Variants in CFAP61 observed in about 807,000 individuals in gnomAD.
CFAP61 encodes the protein cilia- and flagella-associated protein 61.
A neutral mutation model predicts 135.6 loss-of-function variants in CFAP61; 107 were observed. The observed-to-expected ratio is 0.79, with a 90% CI of 0.67 to 0.93. CFAP61 has a LOEUF of 0.93. CFAP61 is among the 40% of genes least tolerant of loss of function. CFAP61 has a pLI of 0.00. For missense variants in CFAP61, 1,507 were observed against 1,556.2 expected (o/e 0.97, Z 0.53); for synonymous variants, 575 against 578.5 (o/e 0.99, Z 0.09).
At chr20:20,137,264 C>G (rs1301972225) in intron 8 of CFAP61, among the ~76,000 whole-genome samples, 1 of 152,200 alleles carries the variant, frequency 6.6e-6, no homozygotes, top group South Asian at 2.1e-4. Flanking sequence ...TACCTACATT[C>G]TCTCAAGGCC....
rs1323601321 is a variant in CFAP61 at position 20,314,987 on chromosome 20, C to T, written c.3422+16601C>T. ...GTCTTTGCTATTGTGAATAATGCTGCAATAAACATATGTGTGCATGTGTCC... is the reference window on the plus strand; with the variant it reads ...GTCTTTGCTATTGTGAATAATGCTGTAATAAACATATGTGTGCATGTGTCC... On this transcript the variant is annotated intron_variant, in intron 25 of 26. Transcript: ENST00000245957. Among the ~76,000 whole-genome samples the T allele has an allele frequency of 3.5e-5, 4 of 115,850 alleles. 2 individuals are homozygous for T. Among genetic ancestry groups the T allele is most frequent in the African/African-American group, 1.6e-4 (4 of 24,916 alleles). The allele number at this position is 115,850 out of a possible 152,430, so 76.0% of individuals were successfully genotyped here. A position where few individuals can be genotyped will look rare whatever the true frequency, so the allele number is the denominator to read the frequency against.
Position 20,128,901 on chromosome 20 carries a change from T to C in CFAP61, c.860-13956T>C, listed in dbSNP as rs535061507. On this transcript the variant is annotated intron_variant, in intron 8 of 26. Coordinates refer to ENST00000245957, the MANE Select transcript of CFAP61 (RefSeq NM_015585.4). ...CAAAGAAAAATCTAGAAAAAAGCTCTATACTTTAACTCCATTCCCCAAGAT... is the reference window on the plus strand; with the variant it reads ...CAAAGAAAAATCTAGAAAAAAGCTCCATACTTTAACTCCATTCCCCAAGAT... Among the ~76,000 whole-genome samples the C allele has an allele frequency of 2.6e-5, 4 of 151,834 alleles. No homozygotes were observed. The East Asian group carries it at 7.7e-4, about 29-fold the overall frequency.
In CFAP61 at chr20:20,228,237, T is replaced by G; in HGVS notation, c.1933-12T>G. 1 of 1,577,166 alleles carries G rather than the reference T, an allele frequency of 6.3e-7. No individual in the cohort carries two copies. The highest frequency in any genetic ancestry group is 8.7e-7 in the Non-Finnish European group (1 of 1,153,154). ...CTTTGACTCCTTCTTTGTCTTCGTA[T>G]TTTTTTTCCAGATGAGTTATGCTTT... On this transcript the variant is annotated splice_polypyrimidine_tract_variant and intron_variant, in intron 17 of 26. Transcript: ENST00000245957.
At chr20:20,198,923 A>G (rs2056455676) in intron 16 of CFAP61, among the ~76,000 whole-genome samples, 1 of 152,224 alleles carries the variant, frequency 6.6e-6, no homozygotes, top group African/African-American at 2.4e-5. Context: ...TGTATCATTA[A>G]AAGTTTTGAT....
intron 7 of CFAP61, among the ~76,000 whole-genome samples, chr20:20,092,786 A>T (rs1427681884): frequency 3.9e-5 from 6 of 152,240 alleles, no homozygotes; most frequent in African/African-American, 1.2e-4. Context: ...AACCACACTA[A>T]GATACCACTT....
chr20:20,068,547 C>T (rs1355911666), intron 2 of CFAP61, among the ~76,000 whole-genome samples: 2 of 152,112 alleles, frequency 1.3e-5, no homozygotes, highest in South Asian at 2.1e-4. Flanking sequence ...TGCTTCATTC[C>T]CCTGTGGCTG....
Position 20,164,168 on chromosome 20 carries a change from G to A in CFAP61, c.1145G>A (p.Arg382Lys). The A allele has an allele frequency of 6.2e-7, 1 of 1,614,088 alleles. No individual in the cohort carries two copies. Among genetic ancestry groups the A allele is most frequent in the Non-Finnish European group, 8.5e-7 (1 of 1,179,970 alleles). ...EEPVHFRPIYRGASAAFCIQL... is the reference protein window; with the variant it reads ...EEPVHFRPIYKGASAAFCIQL... ...CCCGTCCACTTCCGCCCCATCTACA[G>A]GGGAGCCTCAGCTGCTTTTTGTATT... Residue 382 changes from arginine to lysine, a missense_variant, in exon 11 of 27, where the codon AGG (arginine) becomes AAG (lysine). Physicochemically the swap from Arg to Lys is conservative, Grantham distance 26 (BLOSUM62 2). Transcript: ENST00000245957.
intron 6 of CFAP61, among the ~76,000 whole-genome samples, chr20:20,080,668 T>C (rs1369132787): frequency 6.6e-6 from 1 of 152,152 alleles, no homozygotes; most frequent in Non-Finnish European, 1.5e-5. Context: ...AATAGAGTTG[T>C]TTCCTTACAT....
intron 26 of CFAP61, among the ~76,000 whole-genome samples, chr20:20,356,470 C>CTG (rs1485407328): frequency 3.8e-4 from 25 of 65,740 alleles, no homozygotes; most frequent in African/African-American, 7.3e-4. Flanking sequence ...GGTGGTCACA[C>CTG]TGAGGGGAGG....
At chr20:20,123,390 T>G (rs1360652634) in intron 8 of CFAP61, among the ~76,000 whole-genome samples, 1 of 151,804 alleles carries the variant, frequency 6.6e-6, no homozygotes, top group Admixed American at 6.6e-5. Context: ...CTTCTAGAAT[T>G]TTTATGGTTT....
At chr20:20,104,565 G>A (rs1171510843) in intron 8 of CFAP61, among the ~76,000 whole-genome samples, 2 of 152,234 alleles carry the variant, frequency 1.3e-5, no homozygotes, top group East Asian at 3.9e-4. Flanking sequence ...ACTGGAGCAC[G>A]TATCTACAGG....
chr20:20,154,249 A>G (rs889973405), intron 9 of CFAP61, among the ~76,000 whole-genome samples: 2 of 152,154 alleles, frequency 1.3e-5, no homozygotes, highest in African/African-American at 2.4e-5. Flanking sequence ...AGCTAACATT[A>G]TACTGAACAA....
intron 8 of CFAP61, among the ~76,000 whole-genome samples, chr20:20,103,257 A>G (rs1219198652): frequency 1.3e-5 from 2 of 152,190 alleles, no homozygotes; most frequent in African/African-American, 4.8e-5. Context: ...TAAAATGTTT[A>G]ACTGTGTACA....
intron 13 of CFAP61, among the ~76,000 whole-genome samples, chr20:20,187,529 C>T (rs1045790794): frequency 9.9e-5 from 15 of 152,180 alleles, no homozygotes; most frequent in Admixed American, 2.0e-4. Context: ...CTCTAAAAAG[C>T]ACACAGCACT....
chr20:20,236,206 G>T (rs930586908), intron 18 of CFAP61, among the ~76,000 whole-genome samples: 3 of 152,174 alleles, frequency 2.0e-5, no homozygotes, highest in Non-Finnish European at 4.4e-5. Context: ...TAGGGATGGG[G>T]AGGGTTGTAC....
intron 24 of CFAP61, among the ~76,000 whole-genome samples, chr20:20,292,432 C>T (rs888076179): frequency 1.3e-5 from 2 of 152,108 alleles, no homozygotes; most frequent in Non-Finnish European, 2.9e-5. Context: ...CATAGTGTTC[C>T]AGTTTCTATT....
At chr20:20,063,786 A>C (rs1262090221) in intron 2 of CFAP61, among the ~76,000 whole-genome samples, 1 of 152,224 alleles carries the variant, frequency 6.6e-6, no homozygotes, top group Non-Finnish European at 1.5e-5. Context: ...TATATTCTCT[A>C]CTTAGCAAAT....
chr20:20,134,906 T>G (rs1288969131), intron 8 of CFAP61, among the ~76,000 whole-genome samples: 2 of 151,936 alleles, frequency 1.3e-5, no homozygotes, highest in African/African-American at 4.8e-5. Flanking sequence ...CCTATTAAAG[T>G]AGACAGAAAA....
At chr20:20,091,336 G>C (rs1029272936) in intron 7 of CFAP61, among the ~76,000 whole-genome samples, 1 of 152,150 alleles carries the variant, frequency 6.6e-6, no homozygotes, top group South Asian at 2.1e-4. Flanking sequence ...GATTTTGTTT[G>C]AGTTGGAAAG....
Sources: gnomAD v4.1 joint callset for allele counts (sites outside exome capture counted in the v4.1 genomes callset) on GRCh38, gnomAD v4.1.1 for gene constraint, MANE v1.5 for transcripts, NCBI Gene and HGNC (gene_info 2026-07-23, HGNC 2026-07-21) for gene names.